The following SVIL variants were observed in gnomAD, a reference collection of about 807,000 sequenced individuals.
SVIL encodes archvillin.
In SVIL, 101 loss-of-function variants were observed where a neutral mutation model predicts 240.4. That is an observed-to-expected ratio of 0.42 (90% CI 0.36 to 0.50). The LOEUF (loss-of-function observed/expected upper bound fraction) is 0.50. Ranked by LOEUF, SVIL falls within the 20% of genes least tolerant of loss-of-function variation. SVIL has a pLI of 0.01. For missense variants in SVIL, 2,512 were observed against 2,818.7 expected (o/e 0.89, Z 2.46); for synonymous variants, 999 against 1,100.0 (o/e 0.91, Z 1.82).
chr10:29,536,975 C>T (rs563417412), intron 6 of SVIL, among the ~76,000 whole-genome samples: 80 of 149,538 alleles, frequency 5.3e-4, no homozygotes, highest in African/African-American at 1.9e-3. Context: ...AAATACCAGG[C>T]AATTCTCTTG....
At chr10:29,556,180 G>A (rs887862264) in intron 3 of SVIL, among the ~76,000 whole-genome samples, 1 of 152,160 alleles carries the variant, frequency 6.6e-6, no homozygotes. Flanking sequence ...AGTTCATGGA[G>A]AATAAAGGTC....
chr10:29,486,068 G>C lies in SVIL; in HGVS notation c.4779+17C>G, dbSNP rs772091926. On this transcript the variant is annotated intron_variant, in intron 26 of 37. Transcript: ENST00000355867. ...CAATGTGGTTTCTCACTGAAGGGCA[G>C]AGCCCACGGACTGTACCTCTTTGGG... The C allele has an allele frequency of 6.2e-7, 1 of 1,614,126 alleles. No homozygotes were observed. Among genetic ancestry groups the C allele is most frequent in the African/African-American group, 1.3e-5 (1 of 75,072 alleles).
rs917128518 is a variant in SVIL at position 29,530,473 on chromosome 10, TG to T, written c.2106+133del. On this transcript the variant is annotated intron_variant, in intron 11 of 37. Coordinates refer to ENST00000355867, the MANE Select transcript of SVIL (RefSeq NM_021738.3). Reference sequence around the variant, plus strand: ...CTTACAATTTTTATTTTTTTTGAGATGGGGGTCTCACTGTGTTGCCCAGGCT... The same window carrying T: ...CTTACAATTTTTATTTTTTTTGAGATGGGGTCTCACTGTGTTGCCCAGGCT... The T allele has an allele frequency of 1.2e-5, 11 of 908,816 alleles. No individual in the cohort carries two copies. The South Asian group carries it at 1.5e-4, about 13-fold the overall frequency. 56.3% of individuals were successfully genotyped at this position (908,816 alleles called of 1,614,324 possible).
chr10:29,566,867 C>T (rs539683314), intron 2 of SVIL, among the ~76,000 whole-genome samples: 1 of 152,282 alleles, frequency 6.6e-6, no homozygotes, highest in African/African-American at 2.4e-5. Context: ...CCCAACTTCC[C>T]CAGGGACAAA....
intron 1 of SVIL, among the ~76,000 whole-genome samples, chr10:29,612,507 A>G (rs1171646584): frequency 6.6e-6 from 1 of 152,000 alleles, no homozygotes; most frequent in Non-Finnish European, 1.5e-5. Context: ...TCCTTGTGAG[A>G]CTCAGAGTTT....
At chr10:29,522,191 C>T (rs560671009) in intron 16 of SVIL, among the ~76,000 whole-genome samples, 1 of 152,258 alleles carries the variant, frequency 6.6e-6, no homozygotes, top group Non-Finnish European at 1.5e-5. Context: ...GGAACCAGCC[C>T]TGTCCAAACC....
Position 29,494,894 on chromosome 10 carries a change from T to G in SVIL, c.3841+20A>C, listed in dbSNP as rs1948288410. 1 of 1,607,368 alleles carries G rather than the reference T, an allele frequency of 6.2e-7. No homozygotes were observed. Among genetic ancestry groups the G allele is most frequent in the African/African-American group, 1.4e-5 (1 of 71,290 alleles). ...ATTTAGAGATTCTGAGAGCAAAGCC[T>G]TCTGGCTTCCAGTAGGTACCTTTGT... is the stretch of plus-strand genomic sequence containing the variant. On this transcript the variant is annotated intron_variant, in intron 20 of 37. Transcript: ENST00000355867.
chr10:29,729,167 T>G (rs1964457162), intron 1 of SVIL, among the ~76,000 whole-genome samples: 1 of 152,118 alleles, frequency 6.6e-6, no homozygotes, highest in South Asian at 2.1e-4. Flanking sequence ...TGGCTCTTAT[T>G]TCTAACCCCA....
chr10:29,553,344 C>T (rs1953557512), intron 5 of SVIL, among the ~76,000 whole-genome samples: 1 of 151,934 alleles, frequency 6.6e-6, no homozygotes, highest in South Asian at 2.1e-4. Flanking sequence ...TTTGGGTGGC[C>T]GAGGCAGGCG....
rs1944826177 is a variant in SVIL at position 29,465,668 on chromosome 10, G to A, written c.6060C>T (p.Tyr2020=). The change falls in exon 34 of 38, where the codon TAC becomes TAT. Residue 2020 remains tyrosine (Y), a synonymous_variant. Coordinates refer to ENST00000355867, the MANE Select transcript of SVIL (RefSeq NM_021738.3). ...TGACCACAGAGGGGGCTCGGGCAGG[G>A]TACACAAACTCTGTGGCTGCAAAAT... ...SGDFAATEFV[Y]PARAPSVVSS... The A allele has an allele frequency of 6.2e-7, 1 of 1,613,594 alleles. No individual in the cohort carries two copies. Among genetic ancestry groups the A allele is most frequent in the Non-Finnish European group, 8.5e-7 (1 of 1,179,988 alleles).
In SVIL at chr10:29,529,705, G is replaced by C. The variant is rs146446036; in HGVS notation, c.2246C>G (p.Thr749Ser). The C allele has an allele frequency of 5.0e-6, 8 of 1,600,078 alleles. No homozygotes were observed. The South Asian group carries it at 9.0e-5, about 18-fold the overall frequency. Residue 749 changes from threonine to serine, a missense_variant and splice_region_variant, in exon 12 of 38, where the codon ACT becomes AGT. Transcript: ENST00000355867. ...ITTEEVVIAATEPIPASCSGG... is the reference protein window; with the variant it reads ...ITTEEVVIAASEPIPASCSGG... ...GCTGAGAAGTCCTGTGGGCACTTAC[G>C]TGGCTGCGATGACCACCTCTTCAGT...
Position 29,709,458 on chromosome 10 carries a change from C to T in SVIL, c.-399-22807G>A, listed in dbSNP as rs1963127733. 2.6e-5 allele frequency among the ~76,000 whole-genome samples: 4 copies of T among 152,358 alleles called. No homozygotes were observed. In the South Asian group the frequency reaches 8.3e-4, roughly 32 times the overall value. On this transcript the variant is annotated intron_variant, in intron 1 of 35. Coordinates refer to the SVIL transcript ENST00000375400. ...TGTTTATCCATGTGTTACCTCTCAG[C>T]TGCAGATACCCTTCTTTGCCTTCCT...
chr10:29,619,989 A>G (rs1957571755), intron 1 of SVIL, among the ~76,000 whole-genome samples: 1 of 152,226 alleles, frequency 6.6e-6, no homozygotes, highest in East Asian at 1.9e-4. Flanking sequence ...CTAAGAAGAA[A>G]TAACAGCTTC....
intron 2 of SVIL, among the ~76,000 whole-genome samples, chr10:29,685,349 T>C (rs927243934): frequency 1.3e-5 from 2 of 152,222 alleles, no homozygotes; most frequent in Non-Finnish European, 2.9e-5. Context: ...GTTGATTCCA[T>C]GTCTTGCTAT....
intron 2 of SVIL, among the ~76,000 whole-genome samples, chr10:29,675,559 C>A (rs1247010401): frequency 6.6e-6 from 1 of 152,164 alleles, no homozygotes; most frequent in African/African-American, 2.4e-5. Flanking sequence ...CCCACACAGA[C>A]CCCCAGAACC....
chr10:29,701,706 G>A (rs1962527292), intron 1 of SVIL, among the ~76,000 whole-genome samples: 1 of 152,114 alleles, frequency 6.6e-6, no homozygotes, highest in South Asian at 2.1e-4. Flanking sequence ...AGTTACTTAT[G>A]TTTTGCAGAA....
chr10:29,535,904 G>A (rs994292288), intron 7 of SVIL, 85 bp downstream of exon 7: 8 of 1,366,402 alleles, frequency 5.9e-6, no homozygotes, highest in African/African-American at 1.4e-5. Flanking sequence ...AAGGCAAGAG[G>A]AGAGTGGGTG....
intron 16 of SVIL, among the ~76,000 whole-genome samples, chr10:29,518,161 G>A (rs1950335908): frequency 6.6e-6 from 1 of 152,208 alleles, no homozygotes; most frequent in Non-Finnish European, 1.5e-5. Context: ...GCCTAGACGG[G>A]TGGATCACTG....
At chr10:29,670,725 T>C (rs2133057367) in intron 2 of SVIL, among the ~76,000 whole-genome samples, 1 of 152,312 alleles carries the variant, frequency 6.6e-6, no homozygotes, top group South Asian at 2.1e-4. Flanking sequence ...TGTAAAACGG[T>C]ATGGAATTGA....
Sources: allele counts gnomAD v4.1 joint callset (sites outside exome capture counted in the v4.1 genomes callset), GRCh38; gene constraint gnomAD v4.1.1; transcripts MANE v1.5; gene names NCBI Gene and HGNC (gene_info 2026-07-23, HGNC 2026-07-21).